Variants in EYA4 observed in about 807,000 individuals in gnomAD.
The protein encoded by EYA4 is EYA transcriptional coactivator and phosphatase 4.
In EYA4, 31 loss-of-function variants were observed where a neutral mutation model predicts 87.9. That is an observed-to-expected ratio of 0.35 (90% CI 0.27 to 0.48). EYA4 has a LOEUF of 0.48. Ranked by LOEUF, EYA4 falls within the 20% of genes least tolerant of loss-of-function variation. EYA4 has a pLI of 0.99. For missense variants in EYA4, 678 were observed against 761.4 expected, an observed-to-expected ratio of 0.89 and a Z score of 1.29; for synonymous variants, 263 against 270.6, an observed-to-expected ratio of 0.97 and a Z score of 0.28.
intron 1 of EYA4, among the ~76,000 whole-genome samples, chr6:133,253,893 C>G (rs1562209664): frequency 1.3e-5 from 2 of 152,124 alleles, no homozygotes; most frequent in East Asian, 3.9e-4. Flanking sequence ...TCCGTAACCT[C>G]AACACCTGGA....
chr6:133,258,842 C>CT (rs909986768), intron 1 of EYA4, among the ~76,000 whole-genome samples: 7 of 152,104 alleles, frequency 4.6e-5, no homozygotes, highest in African/African-American at 1.7e-4. Flanking sequence ...AAACGTTAGT[C>CT]TTTTTTCCCC....
At chr6:133,483,809 T>C (rs1444039185) in intron 13 of EYA4, among the ~76,000 whole-genome samples, 2 of 151,712 alleles carry the variant, frequency 1.3e-5, no homozygotes, top group Non-Finnish European at 2.9e-5. Context: ...CTGCAACCTC[T>C]GCTTCCCGTG....
chr6:133,295,398 A>T (rs1402407218), intron 2 of EYA4, among the ~76,000 whole-genome samples: 1 of 152,198 alleles, frequency 6.6e-6, no homozygotes, highest in Non-Finnish European at 1.5e-5. Context: ...AAAGTTTTGC[A>T]TTGAGATTGG....
intron 2 of EYA4, among the ~76,000 whole-genome samples, chr6:133,380,653 G>T (rs142900534): frequency 1.4e-3 from 219 of 152,242 alleles, no homozygotes; most frequent in Middle Eastern, 0.01. Flanking sequence ...TCATAGGCAA[G>T]AACCAGTAGG....
In EYA4 at chr6:133,424,498, C is replaced by T. The variant is rs117177316; in HGVS notation, c.84-22132C>T. ...CCAGGAGCAGAGAGAGGCCAGGCAA[C>T]GGGAGCAAACACCCCCCCCCCAGCC... On this transcript the variant is annotated intron_variant, in intron 3 of 19. Transcript: ENST00000355286. 3.7e-3 allele frequency among the ~76,000 whole-genome samples: 433 copies of T among 117,468 alleles called. 12 individuals carry two copies. In the East Asian group the frequency reaches 0.096, roughly 26 times the overall value. 77.1% of individuals were successfully genotyped at this position (117,468 alleles called of 152,430 possible). A position where few individuals can be genotyped will look rare whatever the true frequency, so the allele number is the denominator to read the frequency against.
At chr6:133,276,821 C>G (rs1777204864) in intron 2 of EYA4, among the ~76,000 whole-genome samples, 1 of 151,716 alleles carries the variant, frequency 6.6e-6, no homozygotes, top group Non-Finnish European at 1.5e-5. Context: ...TCTTCTGACT[C>G]CAAGTCCAAA....
At chr6:133,422,352 A>G (rs1790292975) in intron 3 of EYA4, among the ~76,000 whole-genome samples, 1 of 152,216 alleles carries the variant, frequency 6.6e-6, no homozygotes, top group South Asian at 2.1e-4. Context: ...CCAGTTTTAA[A>G]AATCCACATA....
Position 133,522,272 on chromosome 6 carries a change from TTATATC to T in EYA4, c.1617-780_1617-775del, listed in dbSNP as rs1475085386. On this transcript the variant is annotated intron_variant, in intron 17 of 19. Coordinates refer to ENST00000355286, the MANE Select transcript of EYA4 (RefSeq NM_004100.5). Reference sequence around the variant, plus strand: ...TGTGCCATGTTGGTGTGCTATTTGTTTATATCTATTAACTATTATTCCCACCTCCCA... The same window carrying T: ...TGTGCCATGTTGGTGTGCTATTTGTTTATTAACTATTATTCCCACCTCCCA... Among the ~76,000 whole-genome samples, 4 of 151,196 alleles carry T rather than the reference TTATATC, an allele frequency of 2.6e-5. No homozygotes were observed. The East Asian group carries it at 8.1e-4, about 31-fold the overall frequency.
At chr6:133,378,510 G>A (rs565765837) in intron 2 of EYA4, among the ~76,000 whole-genome samples, 2 of 152,098 alleles carry the variant, frequency 1.3e-5, no homozygotes, top group East Asian at 3.9e-4. Context: ...TAATTCATAT[G>A]TTTATGAATT....
At chr6:133,414,720 C>T (rs1311493843) in intron 3 of EYA4, among the ~76,000 whole-genome samples, 1 of 152,176 alleles carries the variant, frequency 6.6e-6, no homozygotes, top group Non-Finnish European at 1.5e-5. Context: ...AGCACTGTCT[C>T]ATGCTGCCTG....
At chr6:133,518,966 A>C (rs574901324) in intron 17 of EYA4, among the ~76,000 whole-genome samples, 5,309 of 150,838 alleles carry the variant, frequency 0.035, 299 homozygotes, top group African/African-American at 0.12. Context: ...AAGACACAAC[A>C]TACCAGAATC....
chr6:133,397,862 A>G lies in EYA4; in HGVS notation c.83+15421A>G, dbSNP rs146725368. On this transcript the variant is annotated intron_variant, in intron 3 of 19. Transcript: ENST00000355286. ...TCAGATCTCGTGAGACTTATTCACT[A>G]TCACAAGAACAGCATGGGAAAGACC... Among the ~76,000 whole-genome samples, 1,162 of 152,322 alleles carry G rather than the reference A, an allele frequency of 7.6e-3. 4 individuals are homozygous for G. The highest frequency in any genetic ancestry group is 0.012 in the Non-Finnish European group (802 of 68,028).
At chr6:133,295,041 C>T (rs963619115) in intron 2 of EYA4, among the ~76,000 whole-genome samples, 1 of 152,094 alleles carries the variant, frequency 6.6e-6, no homozygotes, top group Non-Finnish European at 1.5e-5. Flanking sequence ...ATTTATATCA[C>T]ACAAGATAGT....
At chr6:133,478,909 C>A (rs1795973205) in intron 11 of EYA4, among the ~76,000 whole-genome samples, 1 of 152,160 alleles carries the variant, frequency 6.6e-6, no homozygotes, top group South Asian at 2.1e-4. Context: ...ACTCAGCCTA[C>A]AACCACCCAT....
intron 6 of EYA4, among the ~76,000 whole-genome samples, chr6:133,457,849 T>C (rs1794037760): frequency 6.6e-6 from 1 of 152,204 alleles, no homozygotes; most frequent in Non-Finnish European, 1.5e-5. Flanking sequence ...ATTAACTTAT[T>C]GCTGACCTAC....
rs577114184 is a variant in EYA4 at position 133,519,253 on chromosome 6, G to A, written c.1617-3803G>A. ...AACAAAATTGATAGACCGCTAGCAA[G>A]ACTAATAAAGAAAAAAAGAGAGAAG... On this transcript the variant is annotated intron_variant, in intron 17 of 19. Coordinates refer to ENST00000355286, the MANE Select transcript of EYA4 (RefSeq NM_004100.5). 1.6e-4 allele frequency among the ~76,000 whole-genome samples: 24 copies of A among 149,888 alleles called. No homozygotes were observed. In the East Asian group the frequency reaches 2.5e-3, roughly 16 times the overall value.
rs531863055 is a variant in EYA4, at chr6:133,349,883, A to C, written c.34-32509A>C. 1.4e-3 allele frequency among the ~76,000 whole-genome samples: 214 copies of C among 152,258 alleles called. 1 individual carries two copies. Among genetic ancestry groups the C allele is most frequent in the African/African-American group, 4.3e-3 (179 of 41,494 alleles). Reference sequence around the variant, plus strand: ...ATAAAACATCTTCTAGCAAGATTCAACTTGTGGACTGCCAATTTGAGAGCT... The same window carrying C: ...ATAAAACATCTTCTAGCAAGATTCACCTTGTGGACTGCCAATTTGAGAGCT... On this transcript the variant is annotated intron_variant, in intron 2 of 19. Coordinates refer to ENST00000355286, the MANE Select transcript of EYA4 (RefSeq NM_004100.5).
intron 3 of EYA4, among the ~76,000 whole-genome samples, chr6:133,412,994 C>T (rs1260396814): frequency 6.6e-6 from 1 of 152,152 alleles, no homozygotes; most frequent in Non-Finnish European, 1.5e-5. Flanking sequence ...TGTACACTTA[C>T]ATATAAGAGA....
At chr6:133,461,366 T>G (rs1180324696) in intron 7 of EYA4, among the ~76,000 whole-genome samples, 186 bp downstream of exon 7, 1 of 152,102 alleles carries the variant, frequency 6.6e-6, no homozygotes, top group Non-Finnish European at 1.5e-5. Context: ...TTGAGAAAAA[T>G]ATCAAGCTCA....
Sources: allele counts gnomAD v4.1 joint callset (sites outside exome capture counted in the v4.1 genomes callset), GRCh38; gene constraint gnomAD v4.1.1; transcripts MANE v1.5; gene names NCBI Gene and HGNC (gene_info 2026-07-23, HGNC 2026-07-21).